The following DSCAM variants were observed in gnomAD, a reference collection of about 807,000 sequenced individuals.
DSCAM encodes cell adhesion molecule DSCAM.
In DSCAM, 47 loss-of-function variants were observed where a neutral mutation model predicts 217.7. The ratio of observed to expected loss-of-function variants is 0.22; its 90% confidence interval spans 0.17 to 0.28. DSCAM has a LOEUF of 0.28. Ranked by LOEUF, DSCAM falls within the 10% of genes least tolerant of loss-of-function variation. The pLI is 1.00. For synonymous variants in DSCAM, 1,056 were observed against 1,015.3 expected (o/e 1.04, Z -0.76); for missense variants, 2,080 against 2,618.3 (o/e 0.79, Z 4.49).
chr21:40,233,168 G>A (rs1601466330), intron 11 of DSCAM, among the ~76,000 whole-genome samples: 1 of 151,870 alleles, frequency 6.6e-6, no homozygotes, highest in Non-Finnish European at 1.5e-5. Context: ...ATGTACTCCC[G>A]AACCTAAAAG....
chr21:40,420,391 T>A (rs1048365873), intron 3 of DSCAM, among the ~76,000 whole-genome samples: 4 of 152,182 alleles, frequency 2.6e-5, no homozygotes, highest in Non-Finnish European at 4.4e-5. Flanking sequence ...AAAATCAGAA[T>A]GCCTGGTATT....
intron 3 of DSCAM, among the ~76,000 whole-genome samples, chr21:40,524,144 C>CTT (rs879579013): frequency 0.04 from 6,117 of 152,154 alleles, 261 homozygotes; most frequent in East Asian, 0.21. Context: ...TTATTTTAAA[C>CTT]AACCAGATCT....
intron 3 of DSCAM, among the ~76,000 whole-genome samples, chr21:40,412,019 T>C (rs1333827701): frequency 2.6e-5 from 4 of 152,214 alleles, no homozygotes; most frequent in African/African-American, 4.8e-5. Flanking sequence ...CAAGATCTGA[T>C]GGTTTGATAA....
chr21:40,130,806 C>T (rs1056575434), intron 19 of DSCAM, among the ~76,000 whole-genome samples: 3 of 152,150 alleles, frequency 2.0e-5, no homozygotes, highest in Admixed American at 2.0e-4. Context: ...TGCAAATAAT[C>T]CCTTGCAAAA....
At chr21:40,223,691 G>A (rs936589392) in intron 11 of DSCAM, among the ~76,000 whole-genome samples, 3 of 152,040 alleles carry the variant, frequency 2.0e-5, no homozygotes, top group African/African-American at 7.2e-5. Flanking sequence ...AAATGCCTAG[G>A]CTATATTTCA....
chr21:40,264,306 A>G (rs2073493371), intron 11 of DSCAM, among the ~76,000 whole-genome samples: 1 of 152,166 alleles, frequency 6.6e-6, no homozygotes, highest in Admixed American at 6.6e-5. Flanking sequence ...TCTCAACACA[A>G]TACTAGCAAA....
In DSCAM at chr21:40,187,930, A is replaced by T; in HGVS notation, c.2611T>A (p.Tyr871Asn). ...TGAATTATTCCACGGTCCTCCCCATAAGAATTAATAGCATGGCAGGAAAAG... is the reference window on the plus strand; with the variant it reads ...TGAATTATTCCACGGTCCTCCCCATTAGAATTAATAGCATGGCAGGAAAAG... ...GFFSCHAINSYGEDRGIIQLT... is the reference protein window; with the variant it reads ...GFFSCHAINSNGEDRGIIQLT... Residue 871 changes from tyrosine (Y) to asparagine (N), a missense_variant, in exon 13 of 33, where the codon TAT (tyrosine) becomes AAT (asparagine). Physicochemically the swap from Tyr to Asn is moderately radical, Grantham distance 143. Around this residue, in one of 5 missense-constraint regions of DSCAM, gnomAD observed 1,144 missense variants for 1,421.1 expected, o/e 0.81. Coordinates refer to ENST00000400454, the MANE Select transcript of DSCAM (RefSeq NM_001389.5). The T allele has an allele frequency of 1.9e-6, 3 of 1,614,096 alleles. No homozygotes were observed. The highest frequency in any genetic ancestry group is 2.5e-6 in the Non-Finnish European group (3 of 1,180,002).
chr21:40,175,824 C>T (rs949030239), intron 15 of DSCAM, among the ~76,000 whole-genome samples: 8 of 151,148 alleles, frequency 5.3e-5, no homozygotes, highest in East Asian at 2.0e-4. Context: ...CACACACACA[C>T]GCACACACAC....
chr21:40,712,326 G>A (rs565594778), intron 1 of DSCAM, among the ~76,000 whole-genome samples: 8 of 151,876 alleles, frequency 5.3e-5, no homozygotes, highest in African/African-American at 7.2e-5. Context: ...AGCCGGGCAC[G>A]GTGGCGGGCG....
intron 11 of DSCAM, among the ~76,000 whole-genome samples, chr21:40,265,648 T>C (rs759273746): frequency 8.5e-5 from 13 of 152,138 alleles, no homozygotes; most frequent in African/African-American, 2.9e-4. Flanking sequence ...AGTAGATGCA[T>C]AGACAAATGG....
chr21:40,606,115 T>A (rs988744858), intron 3 of DSCAM, among the ~76,000 whole-genome samples: 2 of 152,212 alleles, frequency 1.3e-5, no homozygotes, highest in Non-Finnish European at 2.9e-5. Context: ...CACATTCTTA[T>A]TTCCATAAAA....
chr21:40,132,213 G>A (rs2090161008), intron 19 of DSCAM, among the ~76,000 whole-genome samples: 1 of 152,174 alleles, frequency 6.6e-6, no homozygotes, highest in South Asian at 2.1e-4. Context: ...GCAAGCAGGT[G>A]TTTTCAGACA....
chr21:40,624,917 T>C (rs2089579260), intron 3 of DSCAM, among the ~76,000 whole-genome samples: 1 of 152,196 alleles, frequency 6.6e-6, no homozygotes, highest in Non-Finnish European at 1.5e-5. Context: ...TTTTATAACA[T>C]AAAGAAAATT....
rs977050001 is a variant in DSCAM at position 40,187,214 on chromosome 21, C to T, written c.2696G>A (p.Arg899His). ...PEIEIKDVKA[R>H]TITLRWTMGF... Reference sequence around the variant, plus strand: ...CATGGTCCACCTGAGCGTAATTGTGCGTGCTTTGACATCTTTGATCTCAAT... The same window carrying T: ...CATGGTCCACCTGAGCGTAATTGTGTGTGCTTTGACATCTTTGATCTCAAT... The change falls in exon 14 of 33, where the codon CGC becomes CAC. Residue 899 changes from arginine (R) to histidine (H), a missense_variant. Physicochemically the swap from Arg to His is conservative, Grantham distance 29. This residue lies in a region of DSCAM where 1,144 missense variants were observed against 1,421.1 expected (regional missense o/e 0.81). Coordinates refer to ENST00000400454, the MANE Select transcript of DSCAM (RefSeq NM_001389.5). 38 of 1,613,928 alleles carry T rather than the reference C, an allele frequency of 2.4e-5. No individual in the cohort carries two copies. The highest frequency in any genetic ancestry group is 1.6e-4 in the Middle Eastern group (1 of 6,084).
At chr21:40,498,668 C>T (rs1221852374) in intron 3 of DSCAM, among the ~76,000 whole-genome samples, 8 of 28,534 alleles carry the variant, frequency 2.8e-4, no homozygotes, top group East Asian at 1.1e-3. Context: ...TATATATACC[C>T]ATATATATAT....
At chr21:40,767,086 G>A (rs769780454) in intron 1 of DSCAM, among the ~76,000 whole-genome samples, 11 of 152,038 alleles carry the variant, frequency 7.2e-5, no homozygotes, top group Non-Finnish European at 1.2e-4. Flanking sequence ...GTGGAACAGG[G>A]AACAAAAAAA....
intron 20 of DSCAM, among the ~76,000 whole-genome samples, chr21:40,096,817 G>C (rs1601326167): frequency 6.6e-6 from 1 of 151,986 alleles, no homozygotes; most frequent in South Asian, 2.1e-4. Context: ...TTGTGTAAAG[G>C]GGAACAAAGA....
At chr21:40,459,560 T>C (rs2075789686) in intron 3 of DSCAM, among the ~76,000 whole-genome samples, 1 of 152,066 alleles carries the variant, frequency 6.6e-6, no homozygotes, top group African/African-American at 2.4e-5. Context: ...AGCATAAGTA[T>C]AAAAAATGTG....
intron 5 of DSCAM, among the ~76,000 whole-genome samples, chr21:40,350,427 TAAAC>T (rs1196755850): frequency 1.3e-5 from 2 of 152,004 alleles, no homozygotes; most frequent in Admixed American, 6.6e-5. Context: ...ACAAGGAACT[TAAAC>T]AAATTTACAA....
Sources: gnomAD v4.1 joint callset for allele counts (sites outside exome capture counted in the v4.1 genomes callset) on GRCh38, gnomAD v4.1.1 for gene constraint, gnomAD v4.1.1 regional missense constraint, MANE v1.5 for transcripts, NCBI Gene and HGNC (gene_info 2026-07-23, HGNC 2026-07-21) for gene names.